POM121L2: variants seen among roughly 807,000 people sequenced by gnomAD.
POM121L2 encodes POM121-like protein 2.
For synonymous variants in POM121L2, 459 were observed against 483.8 expected (o/e 0.95, Z 0.67); for missense variants, 1,167 against 1,260.3 (o/e 0.93, Z 1.12).
At position 27,309,066 on chromosome 6, in the gene POM121L2, C is replaced by A. The variant is rs763871064; in HGVS notation, c.3105G>T (p.Lys1035Asn). 8 of 1,547,772 alleles carry A rather than the reference C, an allele frequency of 5.2e-6. No individual in the cohort carries two copies. The African/African-American group carries it at 5.5e-5, about 11-fold the overall frequency. The change falls in exon 1 of 1, where the codon AAG (lysine) becomes AAT (asparagine). Residue 1035 changes from lysine to asparagine, a missense_variant. Coordinates refer to ENST00000444565, the MANE Select transcript of POM121L2 (RefSeq NM_033482.4). ...GHSRRHHAYKK is the reference protein window; with the variant it reads ...GHSRRHHAYKN Reference sequence around the variant, plus strand: ...TGCAAGTGACAGGGAACACAGGCTACTTCTTGTAGGCATGATGCCTTCGGG... The same window carrying A: ...TGCAAGTGACAGGGAACACAGGCTAATTCTTGTAGGCATGATGCCTTCGGG...
rs1760710261 is a variant in POM121L2 at position 27,309,271 on chromosome 6, G to T, written c.2900C>A (p.Ala967Asp). Residue 967 changes from alanine to aspartate, a missense_variant, in exon 1 of 1, where the codon GCC (alanine) becomes GAC (aspartate). By Grantham distance (126) the Ala-to-Asp change is moderately radical. Coordinates refer to ENST00000444565, the MANE Select transcript of POM121L2 (RefSeq NM_033482.4). ...RGSISARKTM[A>D]PIAQNTPVPG... ...GACTGGGGTGTTTTGAGCAATGGGG[G>T]CCATAGTCTTTCTTGCAGAAATGCT... 1.9e-6 allele frequency: 3 copies of T among 1,551,580 alleles called. No homozygotes were observed. The highest frequency in any genetic ancestry group is 2.0e-5 in the Admixed American group (1 of 50,962).
chr6:27,308,976 G>T lies in POM121L2; in HGVS notation c.*87C>A. Reference sequence around the variant, plus strand: ...AGCTCCAGTTTTAGATCTGGAGTATGTTTACTTTAGAAAATTGGAAGACAC... The same window carrying T: ...AGCTCCAGTTTTAGATCTGGAGTATTTTTACTTTAGAAAATTGGAAGACAC... On this transcript the variant is annotated 3_prime_UTR_variant, in exon 1 of 1. Transcript: ENST00000444565. The T allele has an allele frequency of 2.0e-6, 2 of 999,756 alleles. No homozygotes were observed. The highest frequency in any genetic ancestry group is 2.9e-6 in the Non-Finnish European group (2 of 686,420). The allele number at this position is 999,756 out of a possible 1,614,324, so 61.9% of individuals were successfully genotyped here.
In POM121L2 at chr6:27,309,310, G is replaced by C; in HGVS notation, c.2861C>G (p.Ser954Cys). The change falls in exon 1 of 1, where the codon TCC (serine) becomes TGC (cysteine). Residue 954 changes from serine (S) to cysteine (C), a missense_variant. Coordinates refer to ENST00000444565, the MANE Select transcript of POM121L2 (RefSeq NM_033482.4). ...TGCAGAAATGCTGCCTCTCCCCAAG[G>C]AAAAAGCTGTGCGGTGGCTGGGCAG... Reference protein sequence around the residue: ...EGLPSHRTAFSLGRGSISARK... With the variant: ...EGLPSHRTAFCLGRGSISARK... 6.4e-7 allele frequency: 1 copy of C among 1,551,174 alleles called. No homozygotes were observed. Among genetic ancestry groups the C allele is most frequent in the Non-Finnish European group, 8.7e-7 (1 of 1,146,756 alleles).
At position 27,310,642 on chromosome 6, in the gene POM121L2, C is replaced by G. The variant is rs1760732133; in HGVS notation, c.1529G>C (p.Gly510Ala). 1.3e-6 allele frequency: 2 copies of G among 1,551,850 alleles called. No homozygotes were observed. The highest frequency in any genetic ancestry group is 1.7e-6 in the Non-Finnish European group (2 of 1,147,056). The stretch of plus-strand genomic sequence containing the variant: ...ATGGGATGTTGGGCTACTCACCATT[C>G]CAAGCAAAGTACTTTGGATGGTGGG... Reference protein sequence around the residue: ...APPTIQSTLLGMVSSPTSHLS... With the variant: ...APPTIQSTLLAMVSSPTSHLS... The change falls in exon 1 of 1, where the codon GGA becomes GCA. Residue 510 changes from glycine to alanine, a missense_variant. Gly to Ala is a moderately conservative substitution (Grantham distance 60, BLOSUM62 0). Coordinates refer to ENST00000444565, the MANE Select transcript of POM121L2 (RefSeq NM_033482.4).
rs1364630007 is a variant in POM121L2 at position 27,309,510 on chromosome 6, T to C, written c.2661A>G (p.Gln887=). The change falls in exon 1 of 1, where the codon CAA becomes CAG. Residue 887 remains glutamine, a synonymous_variant. Transcript: ENST00000444565. ...TCACGAATCCCCCAAAAGTGAAAGG[T>C]TGTGGAGCTCTGCTGCCAAACACTG... ...FGSVFGSRAP[Q]PFTFGGFVTP... 1 of 1,551,834 alleles carries C rather than the reference T, an allele frequency of 6.4e-7. No homozygotes were observed. The highest frequency in any genetic ancestry group is 8.7e-7 in the Non-Finnish European group (1 of 1,147,048).
chr6:27,311,949 C>A lies in POM121L2; in HGVS notation c.222G>T (p.Glu74Asp). Reference protein sequence around the residue: ...PANPTTWLANEAWRRFPMKKS... With the variant: ...PANPTTWLANDAWRRFPMKKS... The stretch of plus-strand genomic sequence containing the variant: ...TCTTCATGGGAAAGCGCCTCCAGGC[C>A]TCGTTGGCCAGCCACGTGGTTGGAT... The change falls in exon 1 of 1, where the codon GAG (glutamate) becomes GAT (aspartate). Residue 74 changes from glutamate (E) to aspartate (D), a missense_variant. Physicochemically the swap from Glu to Asp is conservative, Grantham distance 45 (BLOSUM62 2). Transcript: ENST00000444565. The A allele has an allele frequency of 6.4e-7, 1 of 1,551,580 alleles. No individual in the cohort carries two copies. The highest frequency in any genetic ancestry group is 8.7e-7 in the Non-Finnish European group (1 of 1,146,928).
rs1760749989 is a variant in POM121L2, at chr6:27,311,801, G to T, written c.370C>A (p.Pro124Thr). The change falls in exon 1 of 1, where the codon CCT becomes ACT. Residue 124 changes from proline to threonine, a missense_variant. Physicochemically the swap from Pro to Thr is conservative, Grantham distance 38. Transcript: ENST00000444565. ...GAAGGGGGCACTCTCTGGTCAGGAG[G>T]AGTGATCCTGATGGTCACTGGGCTC... ...IWSPVTIRITPPDQRVPPSTS... is the reference protein window; with the variant it reads ...IWSPVTIRITTPDQRVPPSTS... The T allele has an allele frequency of 6.4e-7, 1 of 1,551,672 alleles. No homozygotes were observed. Among genetic ancestry groups the T allele is most frequent in the African/African-American group, 1.4e-5 (1 of 73,066 alleles).
Position 27,308,972 on chromosome 6 carries a change from G to C in POM121L2, c.*91C>G. On this transcript the variant is annotated 3_prime_UTR_variant, in exon 1 of 1. Coordinates refer to ENST00000444565, the MANE Select transcript of POM121L2 (RefSeq NM_033482.4). ...CTAAAGCTCCAGTTTTAGATCTGGA[G>C]TATGTTTACTTTAGAAAATTGGAAG... 2 of 940,164 alleles carry C rather than the reference G, an allele frequency of 2.1e-6. No individual in the cohort carries two copies. Among genetic ancestry groups the C allele is most frequent in the Non-Finnish European group, 1.6e-6 (1 of 632,480 alleles). The allele number at this position is 940,164 out of a possible 1,614,324, so 58.2% of individuals were successfully genotyped here.
Position 27,310,884 on chromosome 6 carries a change from A to G in POM121L2, c.1287T>C (p.Ser429=). 6.4e-7 allele frequency: 1 copy of G among 1,551,778 alleles called. No homozygotes were observed. Residue 429 remains serine (S), a synonymous_variant, in exon 1 of 1, where the codon AGT becomes AGC. Coordinates refer to ENST00000444565, the MANE Select transcript of POM121L2 (RefSeq NM_033482.4). Reference sequence around the variant, plus strand: ...GTGTCTTCAAAGGAGAATGGGCCACACTGGTTGCCTCTCCCGTGGACTGTG... The same window carrying G: ...GTGTCTTCAAAGGAGAATGGGCCACGCTGGTTGCCTCTCCCGTGGACTGTG... ...ASPQSTGEAT[S]VAHSPLKTPS... is the part of the protein sequence containing the mutation.
rs1760737788 is a variant in POM121L2, at chr6:27,310,992, T to A, written c.1179A>T (p.Ser393=). The part of the protein sequence containing the change: ...QPSLSLALPS[S]ETDLTQGANP... ...TTGCTCCCTGGGTTAGATCTGTTTCTGAAGAAGGCAGAGCAAGAGACAAGG... is the reference window on the plus strand; with the variant it reads ...TTGCTCCCTGGGTTAGATCTGTTTCAGAAGAAGGCAGAGCAAGAGACAAGG... The change falls in exon 1 of 1, where the codon TCA becomes TCT. Residue 393 remains serine, a synonymous_variant. Coordinates refer to ENST00000444565, the MANE Select transcript of POM121L2 (RefSeq NM_033482.4). 1.3e-6 allele frequency: 2 copies of A among 1,552,260 alleles called. No individual in the cohort carries two copies.
Position 27,311,750 on chromosome 6 carries a change from G to C in POM121L2, c.421C>G (p.Leu141Val). ...TCCTCAGAGGGCGGGAGTCCTGCAA[G>C]GGCAATTACATCTTCAGGAGAAGTG... ...PSTSPEDVIALAGLPPSEELA... is the reference protein window; with the variant it reads ...PSTSPEDVIAVAGLPPSEELA... Residue 141 changes from leucine to valine, a missense_variant, in exon 1 of 1, where the codon CTT becomes GTT. Leu to Val is a conservative substitution (Grantham distance 32). Coordinates refer to ENST00000444565, the MANE Select transcript of POM121L2 (RefSeq NM_033482.4). The C allele has an allele frequency of 1.9e-6, 3 of 1,551,830 alleles. No individual in the cohort carries two copies.
rs769645580 is a variant in POM121L2 at position 27,310,848 on chromosome 6, C to T, written c.1323G>A (p.Pro441=). The change falls in exon 1 of 1, where the codon CCG becomes CCA. Residue 441 remains proline (P), a synonymous_variant. Coordinates refer to ENST00000444565, the MANE Select transcript of POM121L2 (RefSeq NM_033482.4). ...CTGACTGTGAGCACCCAGGTGGGGT[C>T]GGTAGGCTGGGTGTCTTCAAAGGAG... ...AHSPLKTPSL[P]TPPGCSQSEL... is the part of the protein sequence containing the mutation. The T allele has an allele frequency of 2.4e-5, 38 of 1,551,476 alleles. No individual in the cohort carries two copies. The African/African-American group carries it at 2.6e-4, about 11-fold the overall frequency.
Position 27,309,974 on chromosome 6 carries a change from G to A in POM121L2, c.2197C>T (p.Leu733=). The change falls in exon 1 of 1, where the codon CTA becomes TTA. Residue 733 remains leucine (L), a synonymous_variant. Transcript: ENST00000444565. The stretch of plus-strand genomic sequence containing the variant: ...GATGCAAGCCAGTTTGTGGATACTA[G>A]GGCAGAGGCAGGCAGAGGGCTGCCC... The part of the protein sequence containing the change: ...GMGSPLPASA[L]VSTNWLASTP... 7.7e-6 allele frequency: 12 copies of A among 1,551,824 alleles called. No homozygotes were observed. The highest frequency in any genetic ancestry group is 1.4e-5 in the African/African-American group (1 of 73,166).
Position 27,311,890 on chromosome 6 carries a change from G to A in POM121L2, c.281C>T (p.Ser94Leu), listed in dbSNP as rs1760751647. ...SQNSPLGPLPSDWWESYLKRT... is the reference protein window; with the variant it reads ...SQNSPLGPLPLDWWESYLKRT... ...CTTTAAGTAACTTTCCCACCAGTCT[G>A]AAGGGAGAGGCCCCAGGGGGGAATT... The change falls in exon 1 of 1, where the codon TCA becomes TTA. Residue 94 changes from serine (S) to leucine (L), a missense_variant. Transcript: ENST00000444565. The A allele has an allele frequency of 6.4e-7, 1 of 1,551,642 alleles. No homozygotes were observed. Among genetic ancestry groups the A allele is most frequent in the African/African-American group, 1.4e-5 (1 of 73,058 alleles).
At position 27,309,741 on chromosome 6, in the gene POM121L2, G is replaced by A. The variant is rs1362846947; in HGVS notation, c.2430C>T (p.Thr810=). Residue 810 remains threonine (T), a synonymous_variant, in exon 1 of 1, where the codon ACC becomes ACT. Coordinates refer to ENST00000444565, the MANE Select transcript of POM121L2 (RefSeq NM_033482.4). ...CTGGCTGAGCTGGAGTTGGCATGGG[G>A]GTTGGCAATGCCACTGCTGAGCTCC... ...LFGSSAVALP[T]PMPTPAQPAF... is the part of the protein sequence containing the mutation. The A allele has an allele frequency of 6.4e-7, 1 of 1,551,680 alleles. No individual in the cohort carries two copies. The highest frequency in any genetic ancestry group is 1.4e-5 in the African/African-American group (1 of 73,142).
chr6:27,312,092 T>C lies in POM121L2; in HGVS notation c.79A>G (p.Thr27Ala). ...QVRTDLPERP[T>A]KRRPPQPLHQ... ...AGGGGCTGAGGTGGCCGGCGTTTCG[T>C]GGGCCTCTCGGGCAAGTCGGTGCGC... The change falls in exon 1 of 1, where the codon ACG becomes GCG. Residue 27 changes from threonine to alanine, a missense_variant. Physicochemically the swap from Thr to Ala is moderately conservative, Grantham distance 58. Transcript: ENST00000444565. The surrounding 1 kb of genome is among the most constrained non-coding windows in gnomAD (Gnocchi z 6.7). 6.7e-7 allele frequency: 1 copy of C among 1,483,286 alleles called. No individual in the cohort carries two copies. Among genetic ancestry groups the C allele is most frequent in the Non-Finnish European group, 9.0e-7 (1 of 1,115,078 alleles). The allele number at this position is 1,483,286 out of a possible 1,614,324, so 91.9% of individuals were successfully genotyped here.
rs1226959649 is a variant in POM121L2, at chr6:27,311,462, T to A, written c.709A>T (p.Met237Leu). The stretch of plus-strand genomic sequence containing the variant: ...CTGTATATGCTGGCCAAGGAGCTCA[T>A]GGAGGAGCAATTGGGCCTCTTAGTC... ...SLTKRPNCSSMSSLASIYRGG... is the reference protein window; with the variant it reads ...SLTKRPNCSSLSSLASIYRGG... Residue 237 changes from methionine (M) to leucine (L), a missense_variant, in exon 1 of 1, where the codon ATG becomes TTG. Coordinates refer to ENST00000444565, the MANE Select transcript of POM121L2 (RefSeq NM_033482.4). 1.3e-6 allele frequency: 2 copies of A among 1,551,850 alleles called. No homozygotes were observed. Among genetic ancestry groups the A allele is most frequent in the Admixed American group, 3.9e-5 (2 of 51,006 alleles).
In POM121L2 at chr6:27,309,534, T is replaced by C; in HGVS notation, c.2637A>G (p.Ser879=). The change falls in exon 1 of 1, where the codon TCA becomes TCG. Residue 879 remains serine, a synonymous_variant. Transcript: ENST00000444565. The part of the protein sequence containing the change: ...IQTHQSGAFG[S]VFGSRAPQPF... ...GTTGTGGAGCTCTGCTGCCAAACAC[T>C]GAGCCAAAAGCCCCACTTTGGTGGG... is the stretch of plus-strand genomic sequence containing the variant. 1 of 1,552,114 alleles carries C rather than the reference T, an allele frequency of 6.4e-7. No homozygotes were observed. The highest frequency in any genetic ancestry group is 1.2e-5 in the South Asian group (1 of 84,066).
At position 27,310,405 on chromosome 6, in the gene POM121L2, G is replaced by C. The variant is rs1242205384; in HGVS notation, c.1766C>G (p.Thr589Ser). 3 of 1,552,196 alleles carry C rather than the reference G, an allele frequency of 1.9e-6. No individual in the cohort carries two copies. The highest frequency in any genetic ancestry group is 2.4e-5 in the South Asian group (2 of 84,066). ...PIFGSIDPLK[T>S]TPMIAPFSSK... ...GGAGAAAGGAGCTATCATGGGCGTA[G>C]TTTTAAGTGGATCTATGCTGCCAAA... The change falls in exon 1 of 1, where the codon ACT becomes AGT. Residue 589 changes from threonine to serine, a missense_variant. By Grantham distance (58) the Thr-to-Ser change is moderately conservative. Transcript: ENST00000444565.
Sources: gnomAD v4.1 joint callset for allele counts on GRCh38, gnomAD v4.1.1 for gene constraint, Gnocchi (gnomAD v3.1) non-coding constraint, MANE v1.5 for transcripts, NCBI Gene and HGNC (gene_info 2026-07-23, HGNC 2026-07-21) for gene names.